The following ZBTB46 variants were observed in gnomAD, a reference collection of about 807,000 sequenced individuals.
ZBTB46 encodes zinc finger and BTB domain containing 46.
ZBTB46 carries 8 observed loss-of-function variants against 44.1 expected under a neutral mutation model. The observed-to-expected ratio is 0.18, with a 90% CI of 0.11 to 0.33. The LOEUF (loss-of-function observed/expected upper bound fraction) is 0.33. ZBTB46 is among the 10% of genes least tolerant of loss of function. ZBTB46 has a pLI of 1.00. For missense variants in ZBTB46, 651 were observed against 847.7 expected (o/e 0.77, Z 2.88); for synonymous variants, 409 against 382.3 (o/e 1.07, Z -0.81).
intron 1 of ZBTB46, among the ~76,000 whole-genome samples, chr20:63,828,814 G>A (rs1055177746): frequency 7.2e-5 from 11 of 152,354 alleles, no homozygotes; most frequent in Middle Eastern, 3.4e-3. Flanking sequence ...CAGTTCTCAG[G>A]CTGTGGAGCC....
intron 4 of ZBTB46, among the ~76,000 whole-genome samples, chr20:63,750,192 A>G (rs984654001): frequency 6.6e-6 from 1 of 152,142 alleles, no homozygotes; most frequent in Non-Finnish European, 1.5e-5. Flanking sequence ...GACCCCAGAG[A>G]AGGCCACACA....
intron 2 of ZBTB46, among the ~76,000 whole-genome samples, chr20:63,784,825 T>C (rs1163197304): frequency 6.6e-6 from 1 of 152,126 alleles, no homozygotes; most frequent in Non-Finnish European, 1.5e-5. Context: ...GCCTAGAAAA[T>C]CACTCTTAAA....
chr20:63,760,272 A>G (rs1037434339), intron 3 of ZBTB46, among the ~76,000 whole-genome samples: 5 of 152,224 alleles, frequency 3.3e-5, no homozygotes, highest in Non-Finnish European at 5.9e-5. Context: ...AAGGCTTTAA[A>G]GTTATTAATT....
intron 3 of ZBTB46, among the ~76,000 whole-genome samples, chr20:63,754,649 G>C (rs1283770887): frequency 1.3e-5 from 2 of 151,134 alleles, no homozygotes; most frequent in South Asian, 4.2e-4. Context: ...ACCCAGGCTG[G>C]AGTGCAGTGG....
chr20:63,831,749 T>C (rs1436307719), upstream of ZBTB46, among the ~76,000 whole-genome samples: 1 of 150,714 alleles, frequency 6.6e-6, no homozygotes, highest in Non-Finnish European at 1.5e-5. Context: ...CGCAGGTTCC[T>C]CGGGGGCGCG....
chr20:63,811,635 C>T (rs570732747), intron 1 of ZBTB46, among the ~76,000 whole-genome samples: 2 of 152,208 alleles, frequency 1.3e-5, no homozygotes, highest in Admixed American at 6.5e-5. Context: ...GAGATCTGCA[C>T]GTGTGAGGGT....
chr20:63,804,270 G>A (rs1045116046), intron 1 of ZBTB46, among the ~76,000 whole-genome samples: 8 of 152,198 alleles, frequency 5.3e-5, no homozygotes, highest in Non-Finnish European at 1.0e-4. Context: ...TGGCAGGGGT[G>A]CCTCCAGATG....
At chr20:63,754,408 AAAAGG>A (rs2092200593) in intron 3 of ZBTB46, among the ~76,000 whole-genome samples, 1 of 152,226 alleles carries the variant, frequency 6.6e-6, no homozygotes, top group African/African-American at 2.4e-5. Context: ...TCTAGGCTAG[AAAAGG>A]AGAGCAAGGA....
intron 1 of ZBTB46, among the ~76,000 whole-genome samples, chr20:63,799,693 TC>T (rs1337016090): frequency 1.3e-5 from 2 of 152,004 alleles, no homozygotes; most frequent in African/African-American, 2.4e-5. Context: ...AACAGACACA[TC>T]ACAAAGAAGA....
intron 2 of ZBTB46, among the ~76,000 whole-genome samples, chr20:63,779,406 ATTTTTTTT>A (rs59166121): frequency 2.5e-4 from 26 of 105,562 alleles, no homozygotes; most frequent in African/African-American, 9.2e-4. Flanking sequence ...ACGCCGGCTA[ATTTTTTTT>A]TTTTTTTTTT....
rs373599840 is a variant in ZBTB46 at position 63,746,921 on chromosome 20, C to T, written c.*9G>A. On this transcript the variant is annotated 3_prime_UTR_variant, in exon 5 of 5. Transcript: ENST00000245663. ...GCGAGGCAGCCACCGACCCTGCCGG[C>T]GGGCGGGCCTAGGAGAGCCAGGCGA... is the stretch of plus-strand genomic sequence containing the variant. 5.7e-5 allele frequency: 87 copies of T among 1,514,558 alleles called. No homozygotes were observed. The highest frequency in any genetic ancestry group is 1.4e-4 in the African/African-American group (10 of 72,742). 93.8% of individuals were successfully genotyped at this position (1,514,558 alleles called of 1,614,324 possible).
At chr20:63,832,090 G>A (rs552809786), upstream of ZBTB46, among the ~76,000 whole-genome samples, 102 of 152,040 alleles carry the variant, frequency 6.7e-4, 1 homozygote, top group South Asian at 0.011. This position sits in a 1 kb window ranked among gnomAD's most constrained non-coding sequence, Gnocchi z 5.0. Flanking sequence ...TGTCTGCGGG[G>A]GACGAATGGC....
At chr20:63,775,251 C>G (rs1013530674) in intron 3 of ZBTB46, 1 of 168,296 alleles carries the variant, frequency 5.9e-6, no homozygotes, top group Non-Finnish European at 1.3e-5. Flanking sequence ...GCAATCGGCT[C>G]GCAGCGGCCG....
At position 63,767,325 on chromosome 20, in the gene ZBTB46, T is replaced by G. The variant is rs2092328773; in HGVS notation, c.1222+8353A>C. Among the ~76,000 whole-genome samples, 1 of 151,916 alleles carries G rather than the reference T, an allele frequency of 6.6e-6. No homozygotes were observed. Among genetic ancestry groups the G allele is most frequent in the African/African-American group, 2.4e-5 (1 of 41,368 alleles). ...GCAATCCCGTAGGATCTCGGTCATCTGAACCCCGTCGGGCAGAAGCTGGAG... is the reference window on the plus strand; with the variant it reads ...GCAATCCCGTAGGATCTCGGTCATCGGAACCCCGTCGGGCAGAAGCTGGAG... On this transcript the variant is annotated intron_variant, in intron 3 of 4. Transcript: ENST00000245663. The surrounding 1 kb of genome is among the most constrained non-coding windows in gnomAD (Gnocchi z 5.0).
chr20:63,747,650 G>A (rs2092117577), intron 4 of ZBTB46, among the ~76,000 whole-genome samples: 1 of 151,932 alleles, frequency 6.6e-6, no homozygotes, highest in Non-Finnish European at 1.5e-5. Flanking sequence ...GCGCAGACAG[G>A]AGTGCTCAGA....
intron 3 of ZBTB46, among the ~76,000 whole-genome samples, chr20:63,755,472 C>T (rs1167260533): frequency 6.6e-6 from 1 of 152,230 alleles, no homozygotes; most frequent in Non-Finnish European, 1.5e-5. Context: ...GTGTCTCTTC[C>T]TCTTCTCTTA....
At chr20:63,755,860 G>A (rs899524840) in intron 3 of ZBTB46, among the ~76,000 whole-genome samples, 1 of 152,140 alleles carries the variant, frequency 6.6e-6, no homozygotes, top group African/African-American at 2.4e-5. Context: ...ATCATTACAC[G>A]GAAACGGGCA....
At chr20:63,780,021 C>T (rs1568860351) in intron 2 of ZBTB46, among the ~76,000 whole-genome samples, 1 of 151,918 alleles carries the variant, frequency 6.6e-6, no homozygotes, top group Non-Finnish European at 1.5e-5. Context: ...GCCTGTAATC[C>T]CAGCATTTTG....
chr20:63,752,266 C>T lies in ZBTB46; in HGVS notation c.1398+420G>A, dbSNP rs186776299. Among the ~76,000 whole-genome samples, 1 of 151,902 alleles carries T rather than the reference C, an allele frequency of 6.6e-6. No individual in the cohort carries two copies. The highest frequency in any genetic ancestry group is 1.5e-5 in the Non-Finnish European group (1 of 67,930). ...CATCCACTCCACACCTGCTACCTGACAACGACCTGCCAGTGCTGAGCTCCA... is the reference window on the plus strand; with the variant it reads ...CATCCACTCCACACCTGCTACCTGATAACGACCTGCCAGTGCTGAGCTCCA... On this transcript the variant is annotated intron_variant, in intron 4 of 4. Coordinates refer to ENST00000245663, the MANE Select transcript of ZBTB46 (RefSeq NM_001369741.1). This position sits in a 1 kb window ranked among gnomAD's most constrained non-coding sequence, Gnocchi z 5.6.
Sources: allele counts gnomAD v4.1 joint callset (sites outside exome capture counted in the v4.1 genomes callset), GRCh38; gene constraint gnomAD v4.1.1; non-coding constraint Gnocchi (gnomAD v3.1); transcripts MANE v1.5; gene names NCBI Gene and HGNC (gene_info 2026-07-23, HGNC 2026-07-21).